CELF4: variants seen among roughly 807,000 people sequenced by gnomAD.
CELF4 encodes CUG-BP- and ETR-3-like factor 4.
A neutral mutation model predicts 59.9 loss-of-function variants in CELF4; 18 were observed. The observed-to-expected ratio is 0.30, with a 90% confidence interval of 0.21 to 0.45. The LOEUF is 0.45. CELF4 is among the 20% of genes least tolerant of loss of function. The pLI, the probability that CELF4 is intolerant of heterozygous loss-of-function variation, is 1.00. For missense variants in CELF4, 456 were observed against 689.0 expected, an observed-to-expected ratio of 0.66 and a Z score of 3.79; for synonymous variants, 261 against 267.1, an observed-to-expected ratio of 0.98 and a Z score of 0.22.
intron 2 of CELF4, among the ~76,000 whole-genome samples, chr18:37,484,136 T>C (rs1250633755): frequency 6.6e-6 from 1 of 152,146 alleles, no homozygotes; most frequent in Non-Finnish European, 1.5e-5. Flanking sequence ...CCCATAACAA[T>C]GTGGTATTTT....
intron 1 of CELF4, among the ~76,000 whole-genome samples, chr18:37,533,993 G>C (rs1484119216): frequency 6.6e-6 from 1 of 152,210 alleles, no homozygotes; most frequent in Non-Finnish European, 1.5e-5. Flanking sequence ...AAGCGCAAAT[G>C]CTGTGAAGAC....
rs375472511 is a variant in CELF4, at chr18:37,279,797, C to T, written c.449-4554G>A. Reference sequence around the variant, plus strand: ...CAGAGCTGGGCAGGACCCCGGATAACACCAAGGGTTTCATGCTTTTCCAGA... The same window carrying T: ...CAGAGCTGGGCAGGACCCCGGATAATACCAAGGGTTTCATGCTTTTCCAGA... On this transcript the variant is annotated intron_variant, in intron 3 of 12. Transcript: ENST00000420428. Among the ~76,000 whole-genome samples the T allele has an allele frequency of 5.3e-5, 8 of 152,326 alleles. No homozygotes were observed. In the East Asian group the frequency reaches 1.5e-3, roughly 29 times the overall value.
chr18:37,288,683 C>T (rs1028013877), intron 3 of CELF4, among the ~76,000 whole-genome samples: 2 of 152,114 alleles, frequency 1.3e-5, no homozygotes, highest in South Asian at 2.1e-4. Flanking sequence ...GGAGGGCAGG[C>T]GGCTCTGGGC....
intron 2 of CELF4, among the ~76,000 whole-genome samples, chr18:37,350,727 A>G (rs2098421549): frequency 6.6e-6 from 1 of 152,200 alleles, no homozygotes; most frequent in African/African-American, 2.4e-5. Context: ...GGGTCCCTTT[A>G]TCTCTCCGAG....
chr18:37,428,771 A>C lies in CELF4; in HGVS notation c.369+56754T>G, dbSNP rs541777687. 3.9e-3 allele frequency among the ~76,000 whole-genome samples: 592 copies of C among 152,292 alleles called. 2 individuals are homozygous for C. Among genetic ancestry groups the C allele is most frequent in the Non-Finnish European group, 6.4e-3 (437 of 68,012 alleles). On this transcript the variant is annotated intron_variant, in intron 2 of 12. Transcript: ENST00000420428. ...AGTAGGGCCCCCATGTGTTCTGAGC[A>C]GCAGCCGCCCTGCAGGAGGAAGTGT...
intron 2 of CELF4, among the ~76,000 whole-genome samples, chr18:37,375,943 T>C (rs1049465996): frequency 1.3e-5 from 2 of 152,182 alleles, no homozygotes; most frequent in Non-Finnish European, 2.9e-5. Flanking sequence ...ACAAGAACTT[T>C]ATTACTGGGT....
At chr18:37,463,111 A>T (rs1313219537) in intron 2 of CELF4, among the ~76,000 whole-genome samples, 2 of 152,206 alleles carry the variant, frequency 1.3e-5, no homozygotes, top group Non-Finnish European at 2.9e-5. Context: ...CTCCATGAGG[A>T]CAGGGTCTGA....
At chr18:37,266,358 G>GT in intron 9 of CELF4, 175 bp downstream of exon 9, 6 of 687,734 alleles carry the variant, frequency 8.7e-6, no homozygotes, top group East Asian at 2.7e-5. Context: ...ACTCTCGGTG[G>GT]CCCGCTGACA....
At chr18:37,537,565 T>C (rs1470919442) in intron 1 of CELF4, among the ~76,000 whole-genome samples, 2 of 152,096 alleles carry the variant, frequency 1.3e-5, no homozygotes, top group Non-Finnish European at 1.5e-5. Flanking sequence ...AAATTACAGG[T>C]CTTCGGGGAC....
chr18:37,281,061 G>A (rs2094081119), intron 3 of CELF4, among the ~76,000 whole-genome samples: 2 of 152,206 alleles, frequency 1.3e-5, no homozygotes. Flanking sequence ...ATCAGGGAAG[G>A]ATGGGGCTCG....
intron 2 of CELF4, among the ~76,000 whole-genome samples, chr18:37,413,574 C>A (rs1413942721): frequency 6.6e-6 from 1 of 152,194 alleles, no homozygotes; most frequent in African/African-American, 2.4e-5. Flanking sequence ...TTCTACAGTT[C>A]CTCTTTAGTC....
In CELF4 at chr18:37,246,482, A is replaced by G. The variant is rs1335481552; in HGVS notation, c.*45-1285T>C. 6.6e-6 allele frequency among the ~76,000 whole-genome samples: 1 copy of G among 152,148 alleles called. No individual in the cohort carries two copies. The highest frequency in any genetic ancestry group is 2.4e-5 in the African/African-American group (1 of 41,514). On this transcript the variant is annotated intron_variant, in intron 12 of 12. Transcript: ENST00000420428. The surrounding 1 kb of genome is among the most constrained non-coding windows in gnomAD (Gnocchi z 5.3). Reference sequence around the variant, plus strand: ...AAGTGGTTACAATACAAACCTTACAATTGTTACCGGGCTCTCTTGCAGAGG... The same window carrying G: ...AAGTGGTTACAATACAAACCTTACAGTTGTTACCGGGCTCTCTTGCAGAGG...
intron 2 of CELF4, among the ~76,000 whole-genome samples, chr18:37,337,457 G>A (rs1440420286): frequency 1.3e-5 from 2 of 152,092 alleles, no homozygotes; most frequent in East Asian, 1.9e-4. Flanking sequence ...TTTCTTTCCC[G>A]GCTGCTGAGT....
chr18:37,301,489 C>T (rs568741565), intron 3 of CELF4, among the ~76,000 whole-genome samples: 24 of 152,320 alleles, frequency 1.6e-4, no homozygotes, highest in Middle Eastern at 3.4e-3. Flanking sequence ...ACCACAAAGT[C>T]CCAGGGACAG....
At chr18:37,348,722 T>A (rs2098359805) in intron 2 of CELF4, among the ~76,000 whole-genome samples, 1 of 152,124 alleles carries the variant, frequency 6.6e-6, no homozygotes, top group Non-Finnish European at 1.5e-5. Flanking sequence ...CGGGGGTCAT[T>A]CCTGGTCTCC....
At chr18:37,556,330 T>A (rs538577098) in intron 1 of CELF4, among the ~76,000 whole-genome samples, 1 of 152,236 alleles carries the variant, frequency 6.6e-6, no homozygotes, top group African/African-American at 2.4e-5. Context: ...TGGCAACAGT[T>A]AATTCAGCTC....
chr18:37,514,352 C>T (rs1308829046), intron 1 of CELF4, among the ~76,000 whole-genome samples: 5 of 152,124 alleles, frequency 3.3e-5, no homozygotes, highest in African/African-American at 1.2e-4. Flanking sequence ...GTTTTCTGGC[C>T]CAGGGCTTTC....
intron 1 of CELF4, among the ~76,000 whole-genome samples, chr18:37,531,509 C>T (rs767691980): frequency 5.3e-5 from 8 of 152,124 alleles, no homozygotes; most frequent in Non-Finnish European, 8.8e-5. Flanking sequence ...CACTGGTTGC[C>T]GCATGCCGAT....
chr18:37,333,845 C>T (rs2097662198), intron 2 of CELF4, among the ~76,000 whole-genome samples: 1 of 152,038 alleles, frequency 6.6e-6, no homozygotes, highest in South Asian at 2.1e-4. Context: ...TTACTGAGCA[C>T]CTCTGTGTGC....
Sources: gnomAD v4.1 joint callset for allele counts (sites outside exome capture counted in the v4.1 genomes callset) on GRCh38, gnomAD v4.1.1 for gene constraint, Gnocchi (gnomAD v3.1) non-coding constraint, MANE v1.5 for transcripts, NCBI Gene and HGNC (gene_info 2026-07-23, HGNC 2026-07-21) for gene names.